The following ALDH5A1 variants were observed in gnomAD, a reference collection of about 807,000 sequenced individuals.
ALDH5A1 encodes aldehyde dehydrogenase 5 family member A1, also known as succinate-semialdehyde dehydrogenase, mitochondrial.
Under a neutral mutation model 54.7 loss-of-function variants are expected in ALDH5A1, and 33 were observed. The observed-to-expected ratio is 0.60, with a 90% CI of 0.46 to 0.81. The LOEUF is 0.81. ALDH5A1 is among the 30% of genes least tolerant of loss of function. ALDH5A1 has a pLI of 0.00. For missense variants in ALDH5A1, 657 were observed against 711.0 expected (o/e 0.92, Z 0.86); for synonymous variants, 294 against 292.7 (o/e 1.00, Z -0.05).
At position 24,522,800 on chromosome 6, in the gene ALDH5A1, A is replaced by G. The variant is rs1310345318; in HGVS notation, c.1048A>G (p.Arg350Gly). 6.2e-7 allele frequency: 1 copy of G among 1,614,110 alleles called. No homozygotes were observed. The highest frequency in any genetic ancestry group is 2.2e-5 in the East Asian group (1 of 44,880). Residue 350 changes from arginine (R) to glycine (G), a missense_variant, in exon 7 of 10, where the codon AGG (arginine) becomes GGG (glycine). Physicochemically the swap from Arg to Gly is moderately radical, Grantham distance 125 (BLOSUM62 -2). This residue lies in a region of ALDH5A1 where 425 missense variants were observed against 516.4 expected (regional missense o/e 0.82). Coordinates refer to ENST00000357578, the MANE Select transcript of ALDH5A1 (RefSeq NM_001080.3). ...CVCSNQFLVQ[R>G]GIHDAFVKAF... The stretch of plus-strand genomic sequence containing the variant: ...TTGCTCAAACCAATTCTTGGTGCAA[A>G]GGGGCATCCATGATGCCTTTGTAAA...
At chr6:24,519,026 G>C (rs1759625186) in intron 5 of ALDH5A1, among the ~76,000 whole-genome samples, 1 of 152,162 alleles carries the variant, frequency 6.6e-6, no homozygotes, top group African/African-American at 2.4e-5. Flanking sequence ...AAAGCCTTAT[G>C]ATTATACATT....
intron 6 of ALDH5A1, 62 bp downstream of exon 6, chr6:24,520,606 TGTGTGTGTGTGATATGTGTGCATGTGA>T: frequency 6.4e-7 from 1 of 1,573,220 alleles, no homozygotes; most frequent in Non-Finnish European, 8.6e-7. Flanking sequence ...TGTGTGTATG[TGTGTGTGTGTGATATGTGTGCATGTGA>T]GTGTGTGTGT....
chr6:24,515,092 T>G, intron 4 of ALDH5A1, 75 bp from the exon 5 acceptor site: 1 of 1,512,968 alleles, frequency 6.6e-7, no homozygotes, highest in Non-Finnish European at 9.0e-7. Flanking sequence ...TATCTATTTA[T>G]TTCTCTTTTC....
Position 24,515,197 on chromosome 6 carries a change from G to A in ALDH5A1, c.757G>A (p.Val253Ile). The change falls in exon 5 of 10, where the codon GTA becomes ATA. Residue 253 changes from valine (V) to isoleucine (I), a missense_variant. Transcript: ENST00000357578. ...LASQAGIPSG[V>I]YNVIPCSRKN... The stretch of plus-strand genomic sequence containing the variant: ...AAGCCAGGCTGGGATTCCTTCAGGT[G>A]TATACAATGTTATTCCCTGTTCTCG... 3.1e-6 allele frequency: 5 copies of A among 1,600,628 alleles called. No homozygotes were observed. The highest frequency in any genetic ancestry group is 1.1e-5 in the South Asian group (1 of 90,872).
At chr6:24,502,926 T>A (rs1759232568) in intron 2 of ALDH5A1, among the ~76,000 whole-genome samples, 2 of 152,178 alleles carry the variant, frequency 1.3e-5, no homozygotes, top group South Asian at 4.1e-4. Flanking sequence ...CTTGTTTTTG[T>A]ACATTTTTTA....
rs772051075 is a variant in ALDH5A1 at position 24,502,993 on chromosome 6, A to G, written c.439-270A>G. ...AATTATTTCATATCGTGGTTACAAT[A>G]CTTAGAAGATATTGAAAGGAGGAAA... On this transcript the variant is annotated intron_variant, in intron 2 of 9. Coordinates refer to ENST00000357578, the MANE Select transcript of ALDH5A1 (RefSeq NM_001080.3). Among the ~76,000 whole-genome samples the G allele has an allele frequency of 3.3e-4, 50 of 150,644 alleles. 1 individual carries two copies. Among genetic ancestry groups the G allele is most frequent in the Admixed American group, 1.3e-3 (20 of 15,138 alleles).
intron 1 of ALDH5A1, 95 bp from the exon 2 acceptor site, chr6:24,502,428 C>T (rs1581806816): frequency 2.1e-6 from 2 of 968,272 alleles, no homozygotes; most frequent in Admixed American, 1.9e-5. Context: ...AGAATGAGAC[C>T]ATACAGCTAA....
intron 8 of ALDH5A1, among the ~76,000 whole-genome samples, chr6:24,531,446 C>A (rs548547849): frequency 6.6e-6 from 1 of 152,158 alleles, no homozygotes; most frequent in Non-Finnish European, 1.5e-5. Context: ...CTGGCTCTAC[C>A]CAGTCCCCCT....
chr6:24,510,411 C>T (rs1325229252), intron 4 of ALDH5A1, among the ~76,000 whole-genome samples: 1 of 151,908 alleles, frequency 6.6e-6, no homozygotes, highest in Non-Finnish European at 1.5e-5. Flanking sequence ...ATTGAAATCC[C>T]CCATTATTAT....
chr6:24,513,487 T>C (rs1039551391), intron 4 of ALDH5A1, among the ~76,000 whole-genome samples: 5 of 152,218 alleles, frequency 3.3e-5, no homozygotes, highest in African/African-American at 1.2e-4. Context: ...TAGCTTCTTT[T>C]CCTTCACAGT....
intron 2 of ALDH5A1, among the ~76,000 whole-genome samples, chr6:24,502,957 T>C (rs1759233096): frequency 6.6e-6 from 1 of 152,076 alleles, no homozygotes; most frequent in Non-Finnish European, 1.5e-5. Flanking sequence ...ACTTCTTCCA[T>C]AGATATAATA....
At chr6:24,499,976 C>T (rs9467199) in intron 1 of ALDH5A1, among the ~76,000 whole-genome samples, 3,309 of 151,322 alleles carry the variant, frequency 0.022, 114 homozygotes, top group African/African-American at 0.074. Context: ...CAGATAATTT[C>T]TGTGTGTGTG....
Position 24,495,033 on chromosome 6 carries a change from C to T in ALDH5A1, c.37C>T (p.Arg13Trp), listed in dbSNP as rs766443938. ...CATTTGGCTGCGGAGCTGTGGGGCC[C>T]GGCGCCTCGGGTCGACGTTTCCAGG... ...TCIWLRSCGARRLGSTFPGCR... is the reference protein window; with the variant it reads ...TCIWLRSCGAWRLGSTFPGCR... The change falls in exon 1 of 10, where the codon CGG becomes TGG. Residue 13 changes from arginine (R) to tryptophan (W), a missense_variant. Physicochemically the swap from Arg to Trp is moderately radical, Grantham distance 101. Around this residue, in one of 2 missense-constraint regions of ALDH5A1, gnomAD observed 232 missense variants for 194.6 expected, o/e 1.19. Coordinates refer to ENST00000357578, the MANE Select transcript of ALDH5A1 (RefSeq NM_001080.3). 2 of 1,347,916 alleles carry T rather than the reference C, an allele frequency of 1.5e-6. No individual in the cohort carries two copies. The highest frequency in any genetic ancestry group is 5.7e-5 in the Admixed American group (2 of 34,928). 83.5% of individuals were successfully genotyped at this position (1,347,916 alleles called of 1,614,324 possible).
chr6:24,503,263 G>A lies in ALDH5A1; in HGVS notation c.439G>A (p.Gly147Arg). Residue 147 changes from glycine (G) to arginine (R), a missense_variant and splice_region_variant, in exon 3 of 10, where the codon GGA (glycine) becomes AGA (arginine). Transcript: ENST00000357578. ...DLARIITAES[G>R]KPLKEAHGEI... Reference sequence around the variant, plus strand: ...TGGGTTCTTTTCTGATTTAATTTAGGGAAAGCCACTGAAGGAGGCACATGG... The same window carrying A: ...TGGGTTCTTTTCTGATTTAATTTAGAGAAAGCCACTGAAGGAGGCACATGG... The A allele has an allele frequency of 1.9e-6, 3 of 1,613,524 alleles. No homozygotes were observed. Among genetic ancestry groups the A allele is most frequent in the Non-Finnish European group, 2.5e-6 (3 of 1,179,986 alleles).
intron 5 of ALDH5A1, among the ~76,000 whole-genome samples, chr6:24,517,096 TC>T (rs1337980759): frequency 6.6e-6 from 1 of 152,146 alleles, no homozygotes; most frequent in Non-Finnish European, 1.5e-5. Flanking sequence ...AACCTCTGCT[TC>T]CTGGGTTCAA....
chr6:24,495,175 G>T lies in ALDH5A1; in HGVS notation c.179G>T (p.Arg60Leu). ...GCGGGCCTCTCTGCGGCGCTGCTGC[G>T]CACCGACAGCTTCGTGGGCGGCCGC... ...RLAGLSAALLRTDSFVGGRWL... is the reference protein window; with the variant it reads ...RLAGLSAALLLTDSFVGGRWL... The change falls in exon 1 of 10, where the codon CGC (arginine) becomes CTC (leucine). Residue 60 changes from arginine (R) to leucine (L), a missense_variant. Coordinates refer to ENST00000357578, the MANE Select transcript of ALDH5A1 (RefSeq NM_001080.3). The T allele has an allele frequency of 1.3e-6, 2 of 1,497,702 alleles. No homozygotes were observed. Among genetic ancestry groups the T allele is most frequent in the Non-Finnish European group, 1.8e-6 (2 of 1,131,116 alleles). 92.8% of individuals were successfully genotyped at this position (1,497,702 alleles called of 1,614,324 possible).
chr6:24,515,047 A>G, intron 4 of ALDH5A1, 120 bp from the exon 5 acceptor site: 1 of 1,037,568 alleles, frequency 9.6e-7, no homozygotes, highest in Non-Finnish European at 1.4e-6. Context: ...CCCCAGTGTC[A>G]GCTTAATTTT....
intron 6 of ALDH5A1, among the ~76,000 whole-genome samples, chr6:24,520,781 T>C (rs1308959526): frequency 6.6e-6 from 1 of 152,172 alleles, no homozygotes; most frequent in Non-Finnish European, 1.5e-5. Flanking sequence ...GCCTTACTTT[T>C]TATTACCAGG....
Position 24,529,345 on chromosome 6 carries a change from T to TATTA in ALDH5A1, c.1343+1179_1343+1180insATTA, listed in dbSNP as rs144162689. 7.7e-3 allele frequency among the ~76,000 whole-genome samples: 1,168 copies of TATTA among 151,210 alleles called. 12 individuals carry two copies. The highest frequency in any genetic ancestry group is 0.027 in the African/African-American group (1,098 of 41,172). On this transcript the variant is annotated intron_variant, in intron 8 of 9. Transcript: ENST00000357578. ...CCACACCTGGCTAATTTTTATACTT[T>TATTA]TAATAGAGACAGGGTTTCACCATGT...
Sources: gnomAD v4.1 joint callset for allele counts (sites outside exome capture counted in the v4.1 genomes callset) on GRCh38, gnomAD v4.1.1 for gene constraint, gnomAD v4.1.1 regional missense constraint, MANE v1.5 for transcripts, NCBI Gene and HGNC (gene_info 2026-07-23, HGNC 2026-07-21) for gene names.